Variants in RNF212B observed in about 807,000 individuals in gnomAD.
The protein encoded by RNF212B is E3 ubiquitin-protein ligase RNF212B.
RNF212B carries 52 observed loss-of-function variants against 55.5 expected under a neutral mutation model. The ratio of observed to expected loss-of-function variants is 0.94; its 90% CI spans 0.75 to 1.18. The LOEUF is 1.18. Among genes scored for constraint, RNF212B ranks in the 50% most tolerant of loss-of-function variants. The pLI, the probability that RNF212B is intolerant of heterozygous loss-of-function variation, is 0.00. For missense variants in RNF212B, 289 were observed against 350.4 expected (o/e 0.82, Z 1.40); for synonymous variants, 99 against 121.4 (o/e 0.82, Z 1.21).
intron 2 of RNF212B, among the ~76,000 whole-genome samples, chr14:23,230,450 C>T (rs1342915375): frequency 1.3e-5 from 2 of 151,864 alleles, no homozygotes. Flanking sequence ...GTCAAGAGAT[C>T]GAGACCATCC....
upstream of RNF212B, among the ~76,000 whole-genome samples, chr14:23,237,388 C>G (rs1252801274): frequency 6.6e-6 from 1 of 152,184 alleles, no homozygotes; most frequent in Admixed American, 6.5e-5. Context: ...CCTCGGCCTC[C>G]CAAGGTGCTG....
chr14:23,258,702 T>TC lies in RNF212B; in HGVS notation c.344+38_344+39insC, dbSNP rs1191163863. ...TCAAGTCCCAAGAGAGCTTTTTTTTTTTTTTTTTTTCTAAGAAGTGACAGT... is the reference window on the plus strand; with the variant it reads ...TCAAGTCCCAAGAGAGCTTTTTTTTTCTTTTTTTTTTCTAAGAAGTGACAGT... On this transcript the variant is annotated intron_variant, in intron 5 of 14. Transcript: ENST00000430154. 8.0e-5 allele frequency: 74 copies of TC among 923,778 alleles called. No individual in the cohort carries two copies. The East Asian group carries it at 1.7e-3, about 21-fold the overall frequency. 57.2% of individuals were successfully genotyped at this position (923,778 alleles called of 1,614,324 possible).
chr14:23,217,644 A>G (rs1210604082), intron 2 of RNF212B, among the ~76,000 whole-genome samples: 1 of 152,076 alleles, frequency 6.6e-6, no homozygotes, highest in African/African-American at 2.4e-5. Context: ...AATCCATAGA[A>G]TTCTTCCAGA....
intron 7 of RNF212B, 128 bp downstream of exon 7, chr14:23,260,815 G>C: frequency 1.2e-6 from 1 of 846,412 alleles, no homozygotes; most frequent in South Asian, 1.6e-5. Flanking sequence ...CTCCGAGGAA[G>C]AGTTAGTTAC....
chr14:23,227,309 CTG>C (rs906001216), intron 2 of RNF212B, among the ~76,000 whole-genome samples: 6 of 151,994 alleles, frequency 3.9e-5, no homozygotes, highest in Admixed American at 2.0e-4. Context: ...AACCTTCTCT[CTG>C]TAATTATTTT....
intron 1 of RNF212B, among the ~76,000 whole-genome samples, chr14:23,185,675 CG>C (rs1328111220): frequency 1.3e-5 from 2 of 152,288 alleles, no homozygotes; most frequent in Non-Finnish European, 2.9e-5. Flanking sequence ...GGATCAAATA[CG>C]TTCTTGGAAT....
chr14:23,261,503 C>T (rs1200574163), intron 7 of RNF212B, among the ~76,000 whole-genome samples: 1 of 152,210 alleles, frequency 6.6e-6, no homozygotes, highest in African/African-American at 2.4e-5. Flanking sequence ...CAAAATTGAA[C>T]TCAGTCATTT....
At chr14:23,238,780 A>ATCATC (rs1555316079) in intron 1 of RNF212B, among the ~76,000 whole-genome samples, 7 of 145,652 alleles carry the variant, frequency 4.8e-5, no homozygotes, top group Non-Finnish European at 7.6e-5. Context: ...TAATAATAAT[A>ATCATC]ATCCCACAAA....
intron 4 of RNF212B, among the ~76,000 whole-genome samples, chr14:23,245,921 T>TTGAA (rs1420767940): frequency 1.3e-5 from 2 of 152,182 alleles, no homozygotes; most frequent in Admixed American, 6.5e-5. Context: ...GACGTTGTCA[T>TTGAA]TGAATGAATG....
intron 2 of RNF212B, among the ~76,000 whole-genome samples, chr14:23,206,391 T>C (rs748739470): frequency 6.6e-6 from 1 of 152,224 alleles, no homozygotes; most frequent in Non-Finnish European, 1.5e-5. Flanking sequence ...TCTTTTTCAG[T>C]ATCTGATTTA....
At chr14:23,232,200 G>T (rs1882688629) in intron 2 of RNF212B, among the ~76,000 whole-genome samples, 1 of 151,836 alleles carries the variant, frequency 6.6e-6, no homozygotes, top group South Asian at 2.1e-4. Flanking sequence ...GAAGTGAGGA[G>T]CGTCTCTGCC....
chr14:23,200,203 G>A (rs1434104699), intron 2 of RNF212B, among the ~76,000 whole-genome samples: 1 of 151,958 alleles, frequency 6.6e-6, no homozygotes, highest in Non-Finnish European at 1.5e-5. Context: ...TTTTTACATA[G>A]GCTTTTAAAT....
chr14:23,264,392 A>C (rs1477145968), intron 10 of RNF212B, among the ~76,000 whole-genome samples, 158 bp downstream of exon 10: 1 of 152,206 alleles, frequency 6.6e-6, no homozygotes, highest in Non-Finnish European at 1.5e-5. Flanking sequence ...TGATATTAGA[A>C]ACTGACAGAG....
chr14:23,226,927 G>A (rs936261423), intron 2 of RNF212B, among the ~76,000 whole-genome samples: 4 of 151,236 alleles, frequency 2.6e-5, no homozygotes, highest in Admixed American at 2.6e-4. Flanking sequence ...ACAGACATGA[G>A]CCATCACACC....
At chr14:23,252,019 T>C (rs558524852) in intron 4 of RNF212B, among the ~76,000 whole-genome samples, 1 of 152,090 alleles carries the variant, frequency 6.6e-6, no homozygotes, top group East Asian at 1.9e-4. Flanking sequence ...ATAGGCATGA[T>C]TGATTAAAGA....
At chr14:23,264,448 A>G (rs1265348165) in intron 10 of RNF212B, among the ~76,000 whole-genome samples, 175 bp from the exon 11 acceptor site, 1 of 152,254 alleles carries the variant, frequency 6.6e-6, no homozygotes, top group Non-Finnish European at 1.5e-5. Flanking sequence ...GACTCAATCA[A>G]CAGTGTCCAT....
At chr14:23,209,272 C>G (rs1158316516) in intron 2 of RNF212B, among the ~76,000 whole-genome samples, 3 of 152,012 alleles carry the variant, frequency 2.0e-5, no homozygotes, top group Non-Finnish European at 4.4e-5. Context: ...GTTCCTTTAC[C>G]GCAACCTGTT....
intron 1 of RNF212B, among the ~76,000 whole-genome samples, chr14:23,185,826 A>G (rs967119227): frequency 6.6e-6 from 1 of 152,206 alleles, no homozygotes. Flanking sequence ...GGGGCTGGGC[A>G]CGGTGGCTCA....
At chr14:23,213,740 A>C (rs1880794874) in intron 2 of RNF212B, among the ~76,000 whole-genome samples, 2 of 152,136 alleles carry the variant, frequency 1.3e-5, no homozygotes, top group South Asian at 4.1e-4. Context: ...GAGAGAGAAG[A>C]AGTGAGGAAG....
Sources: allele counts gnomAD v4.1 joint callset (sites outside exome capture counted in the v4.1 genomes callset), GRCh38; gene constraint gnomAD v4.1.1; transcripts MANE v1.5; gene names NCBI Gene and HGNC (gene_info 2026-07-23, HGNC 2026-07-21).